The following LMTK2 variants were observed in gnomAD, a reference collection of about 807,000 sequenced individuals.
LMTK2 encodes serine/threonine-protein kinase LMTK2.
LMTK2 carries 37 observed loss-of-function variants against 127.5 expected under a neutral mutation model. The ratio of observed to expected loss-of-function variants is 0.29; its 90% confidence interval spans 0.22 to 0.38. The LOEUF is 0.38. Among genes scored for constraint, LMTK2 ranks in the 10% least tolerant of loss-of-function variants. LMTK2 has a pLI of 1.00. For missense variants in LMTK2, 1,694 were observed against 1,920.3 expected (o/e 0.88, Z 2.20); for synonymous variants, 819 against 810.1 (o/e 1.01, Z -0.19).
At chr7:98,137,510 G>A in intron 2 of LMTK2, 68 bp downstream of exon 2, 1 of 1,464,090 alleles carries the variant, frequency 6.8e-7, no homozygotes, top group Admixed American at 2.2e-5. Context: ...TAACTGGATA[G>A]CACAGTCCTT....
At chr7:98,115,744 G>A (rs999740554) in intron 1 of LMTK2, among the ~76,000 whole-genome samples, 1 of 151,992 alleles carries the variant, frequency 6.6e-6, no homozygotes, top group African/African-American at 2.4e-5. Flanking sequence ...AGCTGAGATC[G>A]CACCACTGTG....
chr7:98,125,698 G>C (rs1796433831), intron 1 of LMTK2, among the ~76,000 whole-genome samples: 1 of 152,162 alleles, frequency 6.6e-6, no homozygotes, highest in Non-Finnish European at 1.5e-5. Context: ...ATGACATAAA[G>C]ACAACAGTTG....
intron 10 of LMTK2, 61 bp from the exon 11 acceptor site, chr7:98,191,553 A>T: frequency 7.6e-7 from 1 of 1,307,920 alleles, no homozygotes; most frequent in Non-Finnish European, 1.0e-6. Flanking sequence ...CTCCGTCTCG[A>T]ACCAAAAAAA....
intron 2 of LMTK2, among the ~76,000 whole-genome samples, chr7:98,140,884 CA>C (rs35204584): frequency 1.0e-3 from 140 of 134,110 alleles, no homozygotes; most frequent in Admixed American, 1.1e-3. Context: ...TCTGCCTCTA[CA>C]AAAAAAAAAA....
chr7:98,109,957 G>A (rs1796176765), intron 1 of LMTK2, among the ~76,000 whole-genome samples: 1 of 152,000 alleles, frequency 6.6e-6, no homozygotes, highest in Non-Finnish European at 1.5e-5. Flanking sequence ...GACCATGTAT[G>A]GTAGATAAAA....
intron 7 of LMTK2, among the ~76,000 whole-genome samples, chr7:98,184,263 C>G (rs1797397724): frequency 6.6e-6 from 1 of 152,156 alleles, no homozygotes; most frequent in African/African-American, 2.4e-5. Context: ...CATTTTGCCT[C>G]TTAGTGTGCC....
Position 98,194,984 on chromosome 7 carries a change from T to C in LMTK2, c.4107+412T>C, listed in dbSNP as rs2116471301. 6.6e-6 allele frequency among the ~76,000 whole-genome samples: 1 copy of C among 152,324 alleles called. No homozygotes were observed. The highest frequency in any genetic ancestry group is 2.4e-5 in the African/African-American group (1 of 41,588). On this transcript the variant is annotated intron_variant, in intron 11 of 13. Transcript: ENST00000297293. The surrounding 1 kb of genome is among the most constrained non-coding windows in gnomAD (Gnocchi z 5.4). ...CAAGTGATCCTCCCACCTTCCATAA[T>C]AGCTGGGCCCACAGGTTCATGCCAC... is the stretch of plus-strand genomic sequence containing the variant.
At chr7:98,140,622 T>G (rs562243806) in intron 2 of LMTK2, among the ~76,000 whole-genome samples, 1 of 152,200 alleles carries the variant, frequency 6.6e-6, no homozygotes, top group Admixed American at 6.5e-5. Context: ...GAAATAGAAC[T>G]CACTTAAAAA....
intron 9 of LMTK2, among the ~76,000 whole-genome samples, chr7:98,189,857 T>C (rs1797496744): frequency 6.6e-6 from 1 of 152,154 alleles, no homozygotes; most frequent in Non-Finnish European, 1.5e-5. Flanking sequence ...GGGGGATCCC[T>C]TCAGAATAGC....
At chr7:98,132,407 C>T (rs1205534258) in intron 1 of LMTK2, among the ~76,000 whole-genome samples, 6 of 152,102 alleles carry the variant, frequency 3.9e-5, no homozygotes, top group South Asian at 2.1e-4. Flanking sequence ...CGCGGCACCA[C>T]GCCTGGCTAA....
chr7:98,205,870 T>C lies in LMTK2; in HGVS notation c.*378T>C. The C allele has an allele frequency of 3.9e-6, 1 of 257,182 alleles. No homozygotes were observed. The highest frequency in any genetic ancestry group is 7.6e-6 in the Non-Finnish European group (1 of 131,648). 15.9% of individuals were successfully genotyped at this position (257,182 alleles called of 1,614,324 possible). On this transcript the variant is annotated 3_prime_UTR_variant, in exon 14 of 14. Transcript: ENST00000297293. ...GCGTCTCTGCGTCCACGCCTGCACA[T>C]CCCGGCGCACGTGTGGGCACCACAG...
chr7:98,117,666 T>G (rs1056761411), intron 1 of LMTK2, among the ~76,000 whole-genome samples: 10 of 152,128 alleles, frequency 6.6e-5, no homozygotes, highest in Non-Finnish European at 1.3e-4. Flanking sequence ...TGGAGAGTGA[T>G]ATGAGAAACC....
In LMTK2 at chr7:98,185,048, C is replaced by T. The variant is rs375722488; in HGVS notation, c.792-3C>T. The T allele has an allele frequency of 2.5e-6, 4 of 1,605,274 alleles. No homozygotes were observed. The African/African-American group carries it at 5.3e-5, about 21-fold the overall frequency. On this transcript the variant is annotated splice_polypyrimidine_tract_variant and splice_region_variant and intron_variant, in intron 7 of 13. Coordinates refer to ENST00000297293, the MANE Select transcript of LMTK2 (RefSeq NM_014916.4). The stretch of plus-strand genomic sequence containing the variant: ...TGCCATGTTCACTTCCCTCTGTTTT[C>T]AGTGATTTAGCCCTGCGGAATTGTT...
At chr7:98,195,803 G>A (rs1339116477) in intron 11 of LMTK2, among the ~76,000 whole-genome samples, 2 of 152,160 alleles carry the variant, frequency 1.3e-5, no homozygotes, top group African/African-American at 4.8e-5. Flanking sequence ...TCTGTGTTCT[G>A]TTCACTTTGG....
chr7:98,175,355 G>C (rs1362887404), intron 7 of LMTK2, among the ~76,000 whole-genome samples: 1 of 152,230 alleles, frequency 6.6e-6, no homozygotes, highest in African/African-American at 2.4e-5. Context: ...GGAAATGTCA[G>C]ATAGTCCAGT....
rs749067398 is a variant in LMTK2 at position 98,208,645 on chromosome 7, C to A, written c.*3153C>A. The A allele has an allele frequency of 6.6e-6, 1 of 152,144 alleles. No homozygotes were observed. The highest frequency in any genetic ancestry group is 1.5e-5 in the Non-Finnish European group (1 of 68,040). The allele number at this position is 152,144 out of a possible 1,614,324, so 9.4% of individuals were successfully genotyped here. ...TTTTCATTTCCTTACTAGCTAGATG[C>A]GAATTTGTCTTTTTGAATGACCCTG... is the stretch of plus-strand genomic sequence containing the variant. On this transcript the variant is annotated 3_prime_UTR_variant, in exon 14 of 14. Transcript: ENST00000297293.
Position 98,185,100 on chromosome 7 carries a change from G to C in LMTK2, c.841G>C (p.Val281Leu). 6.2e-7 allele frequency: 1 copy of C among 1,612,692 alleles called. No homozygotes were observed. Among genetic ancestry groups the C allele is most frequent in the Non-Finnish European group, 8.5e-7 (1 of 1,178,848 alleles). ...TCTCACCTCCGACTTAAATGTGAAA[G>C]TGGGAGATTACGGAATAGGATTCAG... Reference protein sequence around the residue: ...CFLTSDLNVKVGDYGIGFSRY... With the variant: ...CFLTSDLNVKLGDYGIGFSRY... The change falls in exon 8 of 14, where the codon GTG becomes CTG. Residue 281 changes from valine to leucine, a missense_variant. By Grantham distance (32) the Val-to-Leu change is conservative. Transcript: ENST00000297293.
At chr7:98,199,243 GTTC>G (rs1427087825) in intron 11 of LMTK2, among the ~76,000 whole-genome samples, 1 of 152,134 alleles carries the variant, frequency 6.6e-6, no homozygotes, top group Non-Finnish European at 1.5e-5. Flanking sequence ...GATGGTATTA[GTTC>G]TTCTCTGTCA....
chr7:98,114,226 T>A (rs1291707635), intron 1 of LMTK2, among the ~76,000 whole-genome samples: 1 of 150,740 alleles, frequency 6.6e-6, no homozygotes, highest in Non-Finnish European at 1.5e-5. Context: ...TTTTATTATA[T>A]GTGTTTTTTT....
Sources: allele counts gnomAD v4.1 joint callset (sites outside exome capture counted in the v4.1 genomes callset), GRCh38; gene constraint gnomAD v4.1.1; non-coding constraint Gnocchi (gnomAD v3.1); transcripts MANE v1.5; gene names NCBI Gene and HGNC (gene_info 2026-07-23, HGNC 2026-07-21).